LCOR: variants seen among roughly 807,000 people sequenced by gnomAD.
LCOR encodes the protein ligand-dependent corepressor.
LCOR carries 14 observed loss-of-function variants against 64.4 expected under a neutral mutation model. The observed-to-expected ratio is 0.22, with a 90% CI of 0.14 to 0.34. The LOEUF (loss-of-function observed/expected upper bound fraction) is 0.34, where lower values mean the gene tolerates loss of function less well. Among genes scored for constraint, LCOR ranks in the 10% least tolerant of loss-of-function variants. The pLI is 1.00. For synonymous variants in LCOR, 643 were observed against 642.5 expected, an observed-to-expected ratio of 1.00 and a Z score of -0.01; for missense variants, 1,686 against 1,765.3, an observed-to-expected ratio of 0.96 and a Z score of 0.80.
At position 96,981,670 on chromosome 10, in the gene LCOR, G is replaced by T; in HGVS notation, c.1210G>T (p.Val404Leu). ...NHLHSLGRNK[V>L]GYHLHPSDKG... ...TCTTCACTCTCTGGGAAGAAATAAGGTGGGTTACCATTTACATCCCAGTGA... is the reference window on the plus strand; with the variant it reads ...TCTTCACTCTCTGGGAAGAAATAAGTTGGGTTACCATTTACATCCCAGTGA... Residue 404 changes from valine to leucine, a missense_variant, in exon 8 of 8, where the codon GTG (valine) becomes TTG (leucine). Around this residue, in one of 3 missense-constraint regions of LCOR, gnomAD observed 1,293 missense variants for 1,410.4 expected, o/e 0.92. Coordinates refer to ENST00000421806, the MANE Select transcript of LCOR (RefSeq NM_001346516.2). 1 of 1,614,194 alleles carries T rather than the reference G, an allele frequency of 6.2e-7. No homozygotes were observed. The highest frequency in any genetic ancestry group is 8.5e-7 in the Non-Finnish European group (1 of 1,180,040).
At chr10:96,970,134 A>C (rs1847986261) in intron 7 of LCOR, among the ~76,000 whole-genome samples, 1 of 150,822 alleles carries the variant, frequency 6.6e-6, no homozygotes, top group African/African-American at 2.4e-5. Context: ...GCGGTGGGTC[A>C]CGCCTGTAAT....
rs1848152874 is a variant in LCOR at position 96,986,707 on chromosome 10, CA to C, written c.*1580del. 1 of 152,144 alleles carries C rather than the reference CA, an allele frequency of 6.6e-6. No individual in the cohort carries two copies. The highest frequency in any genetic ancestry group is 1.5e-5 in the Non-Finnish European group (1 of 67,952). The allele number at this position is 152,144 out of a possible 1,614,324, so 9.4% of individuals were successfully genotyped here. On this transcript the variant is annotated 3_prime_UTR_variant, in exon 8 of 8. Transcript: ENST00000421806. ...TTGACTTTTCCATTGGGCCGCTCTA[CA>C]AAAAAAGGCTTGGTTGTTGAAGCCT... is the stretch of plus-strand genomic sequence containing the variant.
At chr10:96,920,617 T>C (rs538239491) in intron 4 of LCOR, among the ~76,000 whole-genome samples, 6 of 148,156 alleles carry the variant, frequency 4.0e-5, no homozygotes, top group Non-Finnish European at 7.4e-5. Context: ...CATATATGTG[T>C]ATATATGTAT....
chr10:96,944,200 G>A lies in LCOR; in HGVS notation c.-96G>A. The A allele has an allele frequency of 7.1e-6, 7 of 985,654 alleles. No individual in the cohort carries two copies. Among genetic ancestry groups the A allele is most frequent in the Non-Finnish European group, 8.4e-6 (7 of 829,898 alleles). 61.1% of individuals were successfully genotyped at this position (985,654 alleles called of 1,614,324 possible). On this transcript the variant is annotated 5_prime_UTR_variant, in exon 5 of 8. Transcript: ENST00000421806. The stretch of plus-strand genomic sequence containing the variant: ...AGAGCAAGCAAAAATCATTCGATTC[G>A]AGAGACAAGCAGAAGAATTCCTCAA...
At position 96,983,076 on chromosome 10, in the gene LCOR, T is replaced by G. The variant is rs1005660608; in HGVS notation, c.2616T>G (p.Pro872=). 12 of 1,613,548 alleles carry G rather than the reference T, an allele frequency of 7.4e-6. No individual in the cohort carries two copies. In the African/African-American group the frequency reaches 1.3e-4, roughly 18 times the overall value. ...GGACAACACCTAAGGGCCTTCTACC[T>G]GACAGTTTCCACACGGAAACTCTGG... ...PGGTTPKGLL[P]DSFHTETLED... The change falls in exon 8 of 8, where the codon CCT becomes CCG. Residue 872 remains proline (P), a synonymous_variant. Transcript: ENST00000421806. The surrounding 1 kb of genome is among the most constrained non-coding windows in gnomAD (Gnocchi z 4.5).
intron 7 of LCOR, chr10:96,957,817 CTTGTT>C (rs756661941): frequency 6.1e-6 from 6 of 985,632 alleles, no homozygotes; most frequent in Non-Finnish European, 7.2e-6. Flanking sequence ...GTGGGTTCCT[CTTGTT>C]TTGGTTATTT....
intron 4 of LCOR, among the ~76,000 whole-genome samples, chr10:96,910,508 G>A (rs985351183): frequency 6.6e-6 from 1 of 152,230 alleles, no homozygotes; most frequent in Non-Finnish European, 1.5e-5. Flanking sequence ...TAGACTTAAA[G>A]TGTTTATATT....
intron 4 of LCOR, among the ~76,000 whole-genome samples, chr10:96,943,480 C>G (rs1847533644): frequency 6.6e-6 from 1 of 152,222 alleles, no homozygotes. Context: ...TTAGAACATG[C>G]AGTGCATTCT....
At chr10:96,893,203 C>T (rs908599428) in intron 2 of LCOR, among the ~76,000 whole-genome samples, 1 of 152,168 alleles carries the variant, frequency 6.6e-6, no homozygotes, top group African/African-American at 2.4e-5. Flanking sequence ...CTACATAGCT[C>T]TCCCCCCTCC....
intron 4 of LCOR, among the ~76,000 whole-genome samples, chr10:96,925,073 T>TTTTA (rs1348559649): frequency 2.0e-5 from 3 of 151,772 alleles, no homozygotes; most frequent in East Asian, 3.9e-4. Flanking sequence ...TTATTTTCAT[T>TTTTA]TTTATTTATT....
rs1275787647 is a variant in LCOR at position 96,955,068 on chromosome 10, A to G, written c.332+2872A>G. On this transcript the variant is annotated intron_variant, in intron 7 of 7. Transcript: ENST00000421806. ...AGGTTTTGGACACTCCACATCACTC[A>G]AAGTTCCACTGGCTCGATCCCTGCA... is the stretch of plus-strand genomic sequence containing the variant. 2 of 1,614,050 alleles carry G rather than the reference A, an allele frequency of 1.2e-6. No homozygotes were observed. Among genetic ancestry groups the G allele is most frequent in the African/African-American group, 2.7e-5 (2 of 74,928 alleles).
intron 1 of LCOR, 65 bp downstream of exon 1, chr10:96,832,464 G>A: frequency 3.3e-6 from 2 of 598,504 alleles, no homozygotes; most frequent in East Asian, 1.4e-4. Context: ...CCCAGACCAG[G>A]GAGGAAGCTG....
chr10:96,987,307 G>A lies in LCOR; in HGVS notation c.*2173G>A, dbSNP rs1289756383. 1 of 152,212 alleles carries A rather than the reference G, an allele frequency of 6.6e-6. No homozygotes were observed. Among genetic ancestry groups the A allele is most frequent in the Non-Finnish European group, 1.5e-5 (1 of 68,036 alleles). The allele number at this position is 152,212 out of a possible 1,614,324, so 9.4% of individuals were successfully genotyped here. ...ACTTAAACAGCTGATGTTTGCCAATGTCAGGCATGCTGATTCCTGTACAGA... is the reference window on the plus strand; with the variant it reads ...ACTTAAACAGCTGATGTTTGCCAATATCAGGCATGCTGATTCCTGTACAGA... On this transcript the variant is annotated 3_prime_UTR_variant, in exon 8 of 8. Coordinates refer to ENST00000421806, the MANE Select transcript of LCOR (RefSeq NM_001346516.2).
chr10:96,968,641 T>C (rs2134552402), intron 7 of LCOR, among the ~76,000 whole-genome samples: 1 of 152,144 alleles, frequency 6.6e-6, no homozygotes, highest in Non-Finnish European at 1.5e-5. Flanking sequence ...AGATAGGATT[T>C]GATGGGCCTG....
chr10:96,836,723 C>G (rs1845447983), intron 2 of LCOR, among the ~76,000 whole-genome samples: 1 of 152,302 alleles, frequency 6.6e-6, no homozygotes, highest in East Asian at 1.9e-4. Flanking sequence ...ATGGAAAAGG[C>G]ATTCCATTCA....
intron 2 of LCOR, among the ~76,000 whole-genome samples, chr10:96,875,193 G>C (rs990472471): frequency 6.6e-6 from 1 of 151,570 alleles, no homozygotes; most frequent in Non-Finnish European, 1.5e-5. Flanking sequence ...GACCATCCTG[G>C]CTAACATGGT....
intron 1 of LCOR, chr10:96,832,938 G>A (rs1845370028): frequency 2.2e-5 from 21 of 967,666 alleles, no homozygotes; most frequent in Non-Finnish European, 2.6e-5. Flanking sequence ...GCAGGCGGGC[G>A]CCCGGCGCTC....
In LCOR at chr10:96,995,932, C is replaced by G. The variant is rs901767164; in HGVS notation, c.*10798C>G. On this transcript the variant is annotated 3_prime_UTR_variant, in exon 8 of 8. Coordinates refer to ENST00000421806, the MANE Select transcript of LCOR (RefSeq NM_001346516.2). This position sits in a 1 kb window ranked among gnomAD's most constrained non-coding sequence, Gnocchi z 4.2. ...TTTCAAGGCGCTTATTTTATGGCAG[C>G]GTATTAAACTTCTTTGATATTCAAG... The G allele has an allele frequency of 6.6e-6, 1 of 152,174 alleles. No homozygotes were observed. Among genetic ancestry groups the G allele is most frequent in the African/African-American group, 2.4e-5 (1 of 41,438 alleles). 9.4% of individuals were successfully genotyped at this position (152,174 alleles called of 1,614,324 possible). A position where few individuals can be genotyped will look rare whatever the true frequency, so the allele number is the denominator to read the frequency against.
intron 2 of LCOR, among the ~76,000 whole-genome samples, chr10:96,891,095 A>G (rs1181704228): frequency 6.6e-6 from 1 of 151,932 alleles, no homozygotes; most frequent in African/African-American, 2.4e-5. Context: ...GGAAGAGTTG[A>G]AGGAAGGATT....
Sources: allele counts gnomAD v4.1 joint callset (sites outside exome capture counted in the v4.1 genomes callset), GRCh38; gene constraint gnomAD v4.1.1; regional missense constraint gnomAD v4.1.1; non-coding constraint Gnocchi (gnomAD v3.1); transcripts MANE v1.5; gene names NCBI Gene and HGNC (gene_info 2026-07-23, HGNC 2026-07-21).